The following DBR1 variants were observed in gnomAD, a reference collection of about 807,000 sequenced individuals.
DBR1 encodes the protein lariat debranching enzyme.
A neutral mutation model predicts 45.9 loss-of-function variants in DBR1; 33 were observed. That is an observed-to-expected ratio of 0.72 (90% CI 0.55 to 0.96). The LOEUF (loss-of-function observed/expected upper bound fraction) is 0.96, where lower values mean the gene tolerates loss of function less well. Ranked by LOEUF, DBR1 falls within the 40% of genes least tolerant of loss-of-function variation. The pLI is 0.00. For missense variants in DBR1, 619 were observed against 667.4 expected (o/e 0.93, Z 0.80); for synonymous variants, 235 against 235.9 (o/e 1.00, Z 0.04).
intron 1 of DBR1, 54 bp downstream of exon 1, chr3:138,174,545 G>A: frequency 6.6e-7 from 1 of 1,513,888 alleles, no homozygotes; most frequent in South Asian, 1.2e-5. Flanking sequence ...CAGTGGCAGA[G>A]GGAACCCAGT....
intron 2 of DBR1, among the ~76,000 whole-genome samples, chr3:138,172,149 C>T (rs981183837): frequency 6.6e-6 from 1 of 152,216 alleles, no homozygotes; most frequent in Non-Finnish European, 1.5e-5. Flanking sequence ...CTGACAATTT[C>T]ACTTCTTCAC....
Position 138,162,582 on chromosome 3 carries a change from C to A in DBR1, c.942G>T (p.Arg314Ser). Reference sequence around the variant, plus strand: ...CTTCTTCTGTTGCACTATAATCCCACCTATAAAAGTACAAAACAATAGCTT... The same window carrying A: ...CTTCTTCTGTTGCACTATAATCCCAACTATAAAAGTACAAAACAATAGCTT... ...NMPENNGLHARWDYSATEEGM... is the reference protein window; with the variant it reads ...NMPENNGLHASWDYSATEEGM... The change falls in exon 8 of 8, where the codon AGG (arginine) becomes AGT (serine). Residue 314 changes from arginine to serine, a missense_variant and splice_region_variant. Physicochemically the swap from Arg to Ser is moderately radical, Grantham distance 110. Coordinates refer to ENST00000260803, the MANE Select transcript of DBR1 (RefSeq NM_016216.4). 6.2e-7 allele frequency: 1 copy of A among 1,603,228 alleles called. No individual in the cohort carries two copies.
intron 2 of DBR1, among the ~76,000 whole-genome samples, chr3:138,173,130 G>T: frequency 6.7e-6 from 1 of 148,396 alleles, no homozygotes; most frequent in African/African-American, 2.5e-5. Flanking sequence ...TATAATAGTC[G>T]TTGAAGCTGG....
Position 138,174,654 on chromosome 3 carries a change from C to T in DBR1, c.142G>A (p.Asp48Asn), listed in dbSNP as rs2042970780. The T allele has an allele frequency of 6.2e-7, 1 of 1,611,386 alleles. No individual in the cohort carries two copies. The highest frequency in any genetic ancestry group is 8.5e-7 in the Non-Finnish European group (1 of 1,178,688). The change falls in exon 1 of 8, where the codon GAT becomes AAT. Residue 48 changes from aspartate (D) to asparagine (N), a missense_variant. Physicochemically the swap from Asp to Asn is conservative, Grantham distance 23. Coordinates refer to ENST00000260803, the MANE Select transcript of DBR1 (RefSeq NM_016216.4). ...GDFQAVRNEA[D>N]LRCMAVPPKY... ...GGCGGCACGGCCATGCAGCGTAGAT[C>T]CGCCTCGTTGCGCACCGCCTGGAAG...
intron 5 of DBR1, 39 bp downstream of exon 5, chr3:138,167,042 G>T (rs1267996919): frequency 1.9e-6 from 3 of 1,553,298 alleles, no homozygotes; most frequent in African/African-American, 2.7e-5. Context: ...ATGTTCAATA[G>T]TGTGTGTTAA....
chr3:138,162,599 C>T lies in DBR1; in HGVS notation c.942-17G>A, dbSNP rs1286952542. ...TAATCCCACCTATAAAAGTACAAAA[C>T]AATAGCTTTTTACATTTTATCAGCT... On this transcript the variant is annotated splice_polypyrimidine_tract_variant and intron_variant, in intron 7 of 7. Coordinates refer to ENST00000260803, the MANE Select transcript of DBR1 (RefSeq NM_016216.4). The T allele has an allele frequency of 6.3e-7, 1 of 1,582,430 alleles. No homozygotes were observed. Among genetic ancestry groups the T allele is most frequent in the Non-Finnish European group, 8.6e-7 (1 of 1,156,480 alleles).
At chr3:138,166,958 A>G (rs2042933100) in intron 5 of DBR1, 123 bp downstream of exon 5, 1 of 854,078 alleles carries the variant, frequency 1.2e-6, no homozygotes, top group South Asian at 1.5e-5. Flanking sequence ...CCAGAATCAT[A>G]TATTGAGCTA....
intron 2 of DBR1, 44 bp downstream of exon 2, chr3:138,173,458 T>G: frequency 1.2e-6 from 2 of 1,606,632 alleles, no homozygotes; most frequent in Non-Finnish European, 1.7e-6. Context: ...TGATAAGCTC[T>G]TCCATCCCAG....
chr3:138,171,545 T>A, intron 3 of DBR1, 88 bp downstream of exon 3: 1 of 608,688 alleles, frequency 1.6e-6, no homozygotes, highest in Non-Finnish European at 2.8e-6. Context: ...GATACAAAGA[T>A]ATATGAAAGA....
rs1430522648 is a variant in DBR1 at position 138,170,189 on chromosome 3, T to C, written c.407A>G (p.His136Arg). The C allele has an allele frequency of 1.9e-6, 3 of 1,576,340 alleles. No homozygotes were observed. The highest frequency in any genetic ancestry group is 2.6e-6 in the Non-Finnish European group (3 of 1,155,654). The change falls in exon 4 of 8, where the codon CAT becomes CGT. Residue 136 changes from histidine to arginine, a missense_variant. His to Arg is a conservative substitution (Grantham distance 29). Transcript: ENST00000260803. ...TGAATTATAAGGGGGGCACTCAAAATGACCTTAGATTGAAGCAGAAAAATA... is the reference window on the plus strand; with the variant it reads ...TGAATTATAAGGGGGGCACTCAAAACGACCTTAGATTGAAGCAGAAAAATA... ...IFKSHDYRKGHFECPPYNSST... is the reference protein window; with the variant it reads ...IFKSHDYRKGRFECPPYNSST...
intron 7 of DBR1, among the ~76,000 whole-genome samples, 157 bp downstream of exon 7, chr3:138,163,191 CA>C (rs1000043395): frequency 1.3e-5 from 2 of 152,112 alleles, no homozygotes; most frequent in African/African-American, 4.8e-5. Context: ...GCCCAGGAGG[CA>C]GAGGATGCAG....
chr3:138,162,970 G>A (rs1166648248), intron 7 of DBR1, among the ~76,000 whole-genome samples: 1 of 152,170 alleles, frequency 6.6e-6, no homozygotes, highest in East Asian at 1.9e-4. Flanking sequence ...TAAAAACAAA[G>A]GTGGAGGCCA....
chr3:138,163,943 C>T, intron 5 of DBR1, 85 bp from the exon 6 acceptor site: 1 of 940,510 alleles, frequency 1.1e-6, no homozygotes, highest in South Asian at 1.5e-5. Flanking sequence ...TGAAAATAAT[C>T]TTTATCACAC....
chr3:138,173,363 T>C (rs886266659), intron 2 of DBR1, 139 bp downstream of exon 2: 1 of 831,094 alleles, frequency 1.2e-6, no homozygotes, highest in Non-Finnish European at 1.8e-6. Flanking sequence ...ACTATCTTAA[T>C]TAAATTTTCA....
intron 4 of DBR1, among the ~76,000 whole-genome samples, chr3:138,169,344 C>T (rs961193943): frequency 2.6e-5 from 4 of 152,270 alleles, no homozygotes; most frequent in African/African-American, 9.6e-5. Flanking sequence ...GTAATGGGTT[C>T]TCAAACAACC....
intron 1 of DBR1, among the ~76,000 whole-genome samples, chr3:138,174,023 GAAAAAAAA>G (rs138787515): frequency 1.4e-3 from 177 of 123,892 alleles, no homozygotes; most frequent in Middle Eastern, 4.0e-3. Context: ...TCTGTCTCAA[GAAAAAAAA>G]AAAAAAAAAA....
chr3:138,174,023 G>GAAAAAA (rs138787515), intron 1 of DBR1, among the ~76,000 whole-genome samples: 4 of 123,924 alleles, frequency 3.2e-5, no homozygotes, highest in African/African-American at 6.3e-5. Flanking sequence ...TCTGTCTCAA[G>GAAAAAA]AAAAAAAAAA....
chr3:138,174,732 G>T lies in DBR1; in HGVS notation c.64C>A (p.Leu22Met), dbSNP rs746597256. 30 of 1,612,652 alleles carry T rather than the reference G, an allele frequency of 1.9e-5. No homozygotes were observed. The highest frequency in any genetic ancestry group is 2.5e-5 in the Non-Finnish European group (29 of 1,179,730). Residue 22 changes from leucine to methionine, a missense_variant, in exon 1 of 8, where the codon CTG (leucine) becomes ATG (methionine). By Grantham distance (15) the Leu-to-Met change is conservative. Around this residue, in one of 3 missense-constraint regions of DBR1, gnomAD observed 430 missense variants for 447.7 expected, o/e 0.96. Transcript: ENST00000260803. ...ELDKIYETLALAERRGPGPVD... is the reference protein window; with the variant it reads ...ELDKIYETLAMAERRGPGPVD... The stretch of plus-strand genomic sequence containing the variant: ...GGCCCCGGGCCGCGCCGCTCTGCCA[G>T]CGCCAGCGTCTCATAGATCTTATCC...
At position 138,161,736 on chromosome 3, in the gene DBR1, C is replaced by A. The variant is rs1245326491; in HGVS notation, c.*153G>T. 3.2e-6 allele frequency: 2 copies of A among 632,324 alleles called. No homozygotes were observed. Among genetic ancestry groups the A allele is most frequent in the African/African-American group, 3.7e-5 (2 of 54,272 alleles). The allele number at this position is 632,324 out of a possible 1,614,324, so 39.2% of individuals were successfully genotyped here. A position where few individuals can be genotyped will look rare whatever the true frequency, so the allele number is the denominator to read the frequency against. On this transcript the variant is annotated 3_prime_UTR_variant, in exon 8 of 8. Coordinates refer to ENST00000260803, the MANE Select transcript of DBR1 (RefSeq NM_016216.4). Reference sequence around the variant, plus strand: ...TGGCGGGCACCTGTAGTCCCACCTACTTGGGAGGCTGAGGCAGGAGAATTG... The same window carrying A: ...TGGCGGGCACCTGTAGTCCCACCTAATTGGGAGGCTGAGGCAGGAGAATTG...
Sources: gnomAD v4.1 joint callset for allele counts (sites outside exome capture counted in the v4.1 genomes callset) on GRCh38, gnomAD v4.1.1 for gene constraint, gnomAD v4.1.1 regional missense constraint, MANE v1.5 for transcripts, NCBI Gene and HGNC (gene_info 2026-07-23, HGNC 2026-07-21) for gene names.